FHIT: variants seen among roughly 807,000 people sequenced by gnomAD.
The protein encoded by FHIT is fragile histidine triad diadenosine triphosphatase.
Under a neutral mutation model 17.9 loss-of-function variants are expected in FHIT, and 19 were observed. The observed-to-expected ratio is 1.06, with a 90% CI of 0.74 to 1.56. The LOEUF is 1.56. FHIT is among the 40% of genes most tolerant of loss of function. The pLI, the probability that FHIT is intolerant of heterozygous loss-of-function variation, is 0.00. For synonymous variants in FHIT, 81 were observed against 69.7 expected (o/e 1.16, Z -0.81); for missense variants, 248 against 189.2 (o/e 1.31, Z -1.82).
At chr3:59,969,421 G>A (rs1708077266) in intron 7 of FHIT, among the ~76,000 whole-genome samples, 1 of 152,034 alleles carries the variant, frequency 6.6e-6, no homozygotes, top group Non-Finnish European at 1.5e-5. Context: ...GCTCTAATAT[G>A]AGTTAAGTAG....
rs115662508 is a variant in FHIT at position 59,817,657 on chromosome 3, C to T, written c.349-65336G>A. 2.6e-3 allele frequency among the ~76,000 whole-genome samples: 401 copies of T among 152,024 alleles called. 2 individuals carry two copies. The highest frequency in any genetic ancestry group is 4.3e-3 in the Non-Finnish European group (295 of 67,962). ...CAATAGGAATAGTTCAGAAACCATC[C>T]TCCAGCCTTTTAAAGGCACAGAAGA... On this transcript the variant is annotated intron_variant, in intron 8 of 9. Transcript: ENST00000492590.
At chr3:61,198,878 G>A (rs1277365250) in intron 2 of FHIT, among the ~76,000 whole-genome samples, 1 of 138,248 alleles carries the variant, frequency 7.2e-6, no homozygotes, top group African/African-American at 2.6e-5. Flanking sequence ...AGATGCTGTT[G>A]CTGCTGCTGC....
At position 60,984,518 on chromosome 3, in the gene FHIT, G is replaced by A. The variant is rs561938007; in HGVS notation, c.-111+57529C>T. On this transcript the variant is annotated intron_variant, in intron 3 of 9. Transcript: ENST00000492590. Reference sequence around the variant, plus strand: ...TGGTACCAAGAATGTTCGCAGCTCTGGCTAAAACTTCACTGGATCTGATAT... The same window carrying A: ...TGGTACCAAGAATGTTCGCAGCTCTAGCTAAAACTTCACTGGATCTGATAT... Among the ~76,000 whole-genome samples, 12 of 152,250 alleles carry A rather than the reference G, an allele frequency of 7.9e-5. No homozygotes were observed. The South Asian group carries it at 2.5e-3, about 32-fold the overall frequency.
intron 1 of FHIT, among the ~76,000 whole-genome samples, chr3:61,229,703 A>G (rs537843838): frequency 1.2e-4 from 18 of 152,320 alleles, no homozygotes; most frequent in African/African-American, 4.3e-4. Flanking sequence ...GTAAGTTTTC[A>G]GTACATAATA....
chr3:60,937,337 T>C (rs1351871876), intron 3 of FHIT, among the ~76,000 whole-genome samples: 4 of 152,194 alleles, frequency 2.6e-5, no homozygotes, highest in Non-Finnish European at 4.4e-5. Flanking sequence ...AACGAAGTAG[T>C]ATCAGACACA....
chr3:60,715,621 TG>T (rs1367178596), intron 4 of FHIT, among the ~76,000 whole-genome samples: 6 of 75,616 alleles, frequency 7.9e-5, no homozygotes, highest in African/African-American at 3.4e-4. Context: ...GGGACTGTTG[TG>T]GGGTGGGGGG....
At chr3:60,397,647 G>A (rs535699749) in intron 5 of FHIT, among the ~76,000 whole-genome samples, 8 of 152,188 alleles carry the variant, frequency 5.3e-5, no homozygotes, top group East Asian at 3.9e-4. Flanking sequence ...TACTGATAGC[G>A]ACAGGAGGCG....
chr3:60,975,375 T>C (rs1028000932), intron 3 of FHIT, among the ~76,000 whole-genome samples: 4 of 152,196 alleles, frequency 2.6e-5, no homozygotes, highest in Admixed American at 2.6e-4. Flanking sequence ...TTTTAAAGGA[T>C]ATATGAAATA....
chr3:59,845,391 T>C (rs1490689075), intron 8 of FHIT, among the ~76,000 whole-genome samples: 2 of 152,204 alleles, frequency 1.3e-5, no homozygotes, highest in South Asian at 2.1e-4. Context: ...ATTTGTCTTA[T>C]TTTTAAATAT....
intron 5 of FHIT, among the ~76,000 whole-genome samples, chr3:60,352,552 A>C (rs990742446): frequency 2.0e-5 from 3 of 152,122 alleles, no homozygotes; most frequent in Non-Finnish European, 4.4e-5. Context: ...TTCAGGCTAA[A>C]GTACAGTGGT....
At chr3:60,123,967 A>AATATATATATATATATAT (rs1176212050) in intron 5 of FHIT, among the ~76,000 whole-genome samples, 2 of 27,794 alleles carry the variant, frequency 7.2e-5, no homozygotes, top group African/African-American at 1.4e-4. Flanking sequence ...ATGCACTAAA[A>AATATATATATATATATAT]ATATATATAT....
At chr3:60,271,970 A>T (rs1706887646) in intron 5 of FHIT, among the ~76,000 whole-genome samples, 1 of 152,160 alleles carries the variant, frequency 6.6e-6, no homozygotes, top group Non-Finnish European at 1.5e-5. Flanking sequence ...ACAACAACCC[A>T]ATGAGGAAAC....
intron 5 of FHIT, among the ~76,000 whole-genome samples, chr3:60,114,792 GA>G (rs937459118): frequency 1.5e-4 from 23 of 151,974 alleles, no homozygotes; most frequent in Non-Finnish European, 2.8e-4. Flanking sequence ...TATTCAAAAA[GA>G]AAAATCTTCC....
chr3:60,433,667 T>A (rs766192078), intron 5 of FHIT, among the ~76,000 whole-genome samples: 2 of 152,110 alleles, frequency 1.3e-5, no homozygotes, highest in Non-Finnish European at 2.9e-5. Flanking sequence ...TCCCTGATGA[T>A]TAGTAATGGT....
chr3:61,074,633 C>T (rs2034915182), intron 2 of FHIT, among the ~76,000 whole-genome samples: 2 of 152,176 alleles, frequency 1.3e-5, no homozygotes, highest in Admixed American at 6.5e-5. Context: ...AATTGTATCA[C>T]TCCTACAGTC....
chr3:60,313,097 T>A (rs1709015963), intron 5 of FHIT, among the ~76,000 whole-genome samples: 1 of 152,156 alleles, frequency 6.6e-6, no homozygotes, highest in Non-Finnish European at 1.5e-5. Context: ...CAGATTAGCA[T>A]CCAGCCAATT....
intron 8 of FHIT, among the ~76,000 whole-genome samples, chr3:59,773,128 T>C (rs1702148614): frequency 6.6e-6 from 1 of 152,082 alleles, no homozygotes; most frequent in Admixed American, 6.6e-5. Flanking sequence ...GTATCTTGAG[T>C]GGAAATCTTA....
At chr3:59,891,530 C>A (rs1397782684) in intron 8 of FHIT, among the ~76,000 whole-genome samples, 3 of 152,154 alleles carry the variant, frequency 2.0e-5, no homozygotes, top group Admixed American at 1.3e-4. Flanking sequence ...GATGAACCAA[C>A]AGGACAAAAA....
At chr3:60,473,960 A>C (rs1188670472) in intron 5 of FHIT, among the ~76,000 whole-genome samples, 1 of 152,016 alleles carries the variant, frequency 6.6e-6, no homozygotes, top group Non-Finnish European at 1.5e-5. Context: ...AACCTCACAG[A>C]GAATTGTACC....
Sources: gnomAD v4.1 joint callset for allele counts (sites outside exome capture counted in the v4.1 genomes callset) on GRCh38, gnomAD v4.1.1 for gene constraint, MANE v1.5 for transcripts, NCBI Gene and HGNC (gene_info 2026-07-23, HGNC 2026-07-21) for gene names.